PLCL1: variants seen among roughly 807,000 people sequenced by gnomAD.
PLCL1 encodes the protein inactive phospholipase C-like protein 1.
Under a neutral mutation model 84.4 loss-of-function variants are expected in PLCL1, and 41 were observed. The ratio of observed to expected loss-of-function variants is 0.49; its 90% CI spans 0.38 to 0.63. The LOEUF (loss-of-function observed/expected upper bound fraction) is 0.63. Among genes scored for constraint, PLCL1 ranks in the 30% least tolerant of loss-of-function variants. The pLI, the probability that PLCL1 is intolerant of heterozygous loss-of-function variation, is 0.00. For missense variants in PLCL1, 1,206 were observed against 1,367.8 expected (o/e 0.88, Z 1.87); for synonymous variants, 490 against 488.3 (o/e 1.00, Z -0.05).
intron 3 of PLCL1, among the ~76,000 whole-genome samples, chr2:198,095,895 CAGAT>C (rs1693178716): frequency 6.6e-6 from 1 of 152,156 alleles, no homozygotes. Flanking sequence ...GGAATCAGCA[CAGAT>C]AGTCATGATA....
intron 5 of PLCL1, among the ~76,000 whole-genome samples, chr2:198,137,699 A>G (rs1218042624): frequency 6.6e-6 from 1 of 152,186 alleles, no homozygotes; most frequent in Non-Finnish European, 1.5e-5. Context: ...CTTTCTTGTT[A>G]CTTTTTATGG....
rs77497772 is a variant in PLCL1 at position 198,043,171 on chromosome 2, T to C, written c.241-40587T>C. On this transcript the variant is annotated intron_variant, in intron 1 of 5. Coordinates refer to ENST00000428675, the MANE Select transcript of PLCL1 (RefSeq NM_006226.4). ...CAAGGGTGGTAGACCTAGTAAAAGA[T>C]GGTTTTAAAAACAGTGAAAACTGGG... Among the ~76,000 whole-genome samples, 1,466 of 152,276 alleles carry C rather than the reference T, an allele frequency of 9.6e-3. 15 individuals carry two copies. Among genetic ancestry groups the C allele is most frequent in the South Asian group, 0.027 (129 of 4,822 alleles).
intron 1 of PLCL1, among the ~76,000 whole-genome samples, chr2:198,014,913 T>C (rs147083499): frequency 0.013 from 1,962 of 152,152 alleles, 45 homozygotes; most frequent in African/African-American, 0.045. Context: ...CAGGAATTTT[T>C]CCCCCCATAT....
intron 1 of PLCL1, among the ~76,000 whole-genome samples, chr2:197,995,991 A>G (rs1690454984): frequency 6.6e-6 from 1 of 152,146 alleles, no homozygotes; most frequent in East Asian, 1.9e-4. Flanking sequence ...ACATTTTTGT[A>G]TTTGGGAAGT....
chr2:197,977,699 T>A (rs890390022), intron 1 of PLCL1, among the ~76,000 whole-genome samples: 1 of 152,228 alleles, frequency 6.6e-6, no homozygotes, highest in Non-Finnish European at 1.5e-5. Flanking sequence ...AGTGTGGCAC[T>A]TTTTTGTTCA....
chr2:197,821,353 T>C (rs150969519), intron 1 of PLCL1, among the ~76,000 whole-genome samples: 1 of 152,298 alleles, frequency 6.6e-6, no homozygotes, highest in East Asian at 1.9e-4. Context: ...TCCATATTTA[T>C]AAATACTTTC....
chr2:197,940,402 A>G (rs1391334907), intron 1 of PLCL1, among the ~76,000 whole-genome samples: 1 of 152,238 alleles, frequency 6.6e-6, no homozygotes, highest in Non-Finnish European at 1.5e-5. Context: ...TTTCTTGATT[A>G]AAGAAATGAT....
At chr2:198,139,634 A>G (rs1375121225) in intron 5 of PLCL1, among the ~76,000 whole-genome samples, 2 of 152,168 alleles carry the variant, frequency 1.3e-5, no homozygotes, top group Admixed American at 1.3e-4. Context: ...TATATTATCT[A>G]TGAATTTAAG....
intron 1 of PLCL1, among the ~76,000 whole-genome samples, chr2:197,998,647 T>C (rs996654948): frequency 6.6e-6 from 1 of 152,196 alleles, no homozygotes; most frequent in African/African-American, 2.4e-5. Context: ...TTAAGTCTGA[T>C]AGAGAAGTTG....
At chr2:197,832,580 G>A (rs1691090439) in intron 1 of PLCL1, among the ~76,000 whole-genome samples, 1 of 152,094 alleles carries the variant, frequency 6.6e-6, no homozygotes. Context: ...GATACAAAGA[G>A]GAGTTGGTAC....
At chr2:197,816,677 T>C (rs1321070520) in intron 1 of PLCL1, among the ~76,000 whole-genome samples, 1 of 152,072 alleles carries the variant, frequency 6.6e-6, no homozygotes. Flanking sequence ...TGTCAATAAA[T>C]AAATAAATAA....
rs758285661 is a variant in PLCL1, at chr2:198,146,848, A to G, written c.3174A>G (p.Ala1058=). The change falls in exon 6 of 6, where the codon GCA becomes GCG. Residue 1058 remains alanine, a synonymous_variant. Transcript: ENST00000428675. ...AIENMKQIQL[A]CLSCGLSKAP... ...AAAACATGAAGCAGATCCAGCTGGC[A>G]TGCCTGTCCTGTGGACTGAGTAAAG... is the stretch of plus-strand genomic sequence containing the variant. 6.2e-7 allele frequency: 1 copy of G among 1,613,666 alleles called. No homozygotes were observed. Among genetic ancestry groups the G allele is most frequent in the Non-Finnish European group, 8.5e-7 (1 of 1,179,714 alleles).
chr2:198,039,072 G>T (rs920535720), intron 1 of PLCL1, among the ~76,000 whole-genome samples: 2 of 152,074 alleles, frequency 1.3e-5, no homozygotes, highest in African/African-American at 4.8e-5. Context: ...AACCCTGTCT[G>T]CTTCATTTTG....
intron 1 of PLCL1, among the ~76,000 whole-genome samples, chr2:197,840,577 G>C (rs1432343888): frequency 6.6e-6 from 1 of 151,876 alleles, no homozygotes. Context: ...GACTCAAACT[G>C]GTCCATTTTA....
chr2:197,897,171 CTT>C lies in PLCL1; in HGVS notation c.240+91833_240+91834del, dbSNP rs1559038580. 1.9e-3 allele frequency among the ~76,000 whole-genome samples: 58 copies of C among 30,958 alleles called. 1 individual carries two copies. Among genetic ancestry groups the C allele is most frequent in the African/African-American group, 4.1e-3 (18 of 4,380 alleles). The allele number at this position is 30,958 out of a possible 152,430, so 20.3% of individuals were successfully genotyped here. A position where few individuals can be genotyped will look rare whatever the true frequency, so the allele number is the denominator to read the frequency against. Reference sequence around the variant, plus strand: ...TCTTCTTCTTCTTCTTCTTCTTCTTCTTCTTCTTCTTCTTCTTCTCCTTCTCC... The same window carrying C: ...TCTTCTTCTTCTTCTTCTTCTTCTTCCTTCTTCTTCTTCTTCTCCTTCTCC... On this transcript the variant is annotated intron_variant, in intron 1 of 5. Transcript: ENST00000428675.
intron 1 of PLCL1, among the ~76,000 whole-genome samples, chr2:197,844,478 G>A (rs1687081638): frequency 6.6e-6 from 1 of 152,050 alleles, no homozygotes; most frequent in African/African-American, 2.4e-5. Context: ...GTATTCCATT[G>A]AGTACATATA....
chr2:197,985,571 G>A (rs1343812614), intron 1 of PLCL1, among the ~76,000 whole-genome samples: 1 of 152,186 alleles, frequency 6.6e-6, no homozygotes, highest in East Asian at 1.9e-4. Flanking sequence ...TGAGAAACAT[G>A]ACACTGTACC....
intron 3 of PLCL1, among the ~76,000 whole-genome samples, chr2:198,098,339 A>G (rs1366363825): frequency 6.6e-6 from 1 of 152,198 alleles, no homozygotes; most frequent in African/African-American, 2.4e-5. Flanking sequence ...GTTTATCATG[A>G]TTGATGCATG....
At chr2:198,116,511 G>A (rs915295444) in intron 5 of PLCL1, among the ~76,000 whole-genome samples, 4 of 151,814 alleles carry the variant, frequency 2.6e-5, no homozygotes, top group East Asian at 3.9e-4. Flanking sequence ...TTTGAAAAAC[G>A]TATGCCCTTG....
Sources: gnomAD v4.1 joint callset for allele counts (sites outside exome capture counted in the v4.1 genomes callset) on GRCh38, gnomAD v4.1.1 for gene constraint, MANE v1.5 for transcripts, NCBI Gene and HGNC (gene_info 2026-07-23, HGNC 2026-07-21) for gene names.